Variants in CDH19 observed in about 807,000 individuals in gnomAD.
CDH19 encodes cadherin-19.
In CDH19, 67 loss-of-function variants were observed where a neutral mutation model predicts 64.2. That is an observed-to-expected ratio of 1.04 (90% CI 0.86 to 1.28). CDH19 has a LOEUF of 1.28. Among genes scored for constraint, CDH19 ranks in the 50% most tolerant of loss-of-function variants. The probability of loss-of-function intolerance (pLI) is 0.00; values close to 1 mark genes in which losing one functional copy is unlikely to be tolerated. For missense variants in CDH19, 1,030 were observed against 929.0 expected, an observed-to-expected ratio of 1.11 and a Z score of -1.41; for synonymous variants, 346 against 319.3, an observed-to-expected ratio of 1.08 and a Z score of -0.89.
intron 5 of CDH19, among the ~76,000 whole-genome samples, chr18:66,550,867 G>T (rs1987312941): frequency 6.6e-6 from 1 of 152,024 alleles, no homozygotes; most frequent in South Asian, 2.1e-4. Context: ...AAGCCATGAA[G>T]TTAGTGGCAA....
chr18:66,504,654 T>A lies in CDH19; in HGVS notation c.*158A>T, dbSNP rs1985092297. On this transcript the variant is annotated 3_prime_UTR_variant, in exon 12 of 12. Transcript: ENST00000262150. ...TCTCTGTTCAATGACAGCATGTAGG[T>A]AGCTTAAAATAACCATGGAGTATTT... is the stretch of plus-strand genomic sequence containing the variant. 1.6e-6 allele frequency: 1 copy of A among 617,210 alleles called. No individual in the cohort carries two copies. The highest frequency in any genetic ancestry group is 3.0e-5 in the Admixed American group (1 of 33,332). 38.2% of individuals were successfully genotyped at this position (617,210 alleles called of 1,614,324 possible).
At chr18:66,525,802 A>C (rs1314585872) in intron 9 of CDH19, among the ~76,000 whole-genome samples, 1 of 152,114 alleles carries the variant, frequency 6.6e-6, no homozygotes, top group Non-Finnish European at 1.5e-5. Context: ...ATAGGTAGCC[A>C]TATATCATTC....
intron 1 of CDH19, among the ~76,000 whole-genome samples, chr18:66,595,627 A>C (rs141973103): frequency 3.9e-5 from 6 of 152,142 alleles, no homozygotes; most frequent in African/African-American, 1.2e-4. Flanking sequence ...ATCAGGAAGA[A>C]ACTGAAAGAG....
At chr18:66,533,233 C>CAT (rs1205271078) in intron 8 of CDH19, among the ~76,000 whole-genome samples, 1 of 151,240 alleles carries the variant, frequency 6.6e-6, no homozygotes, top group African/African-American at 2.5e-5. Flanking sequence ...CACACACACA[C>CAT]ACACACATCC....
chr18:66,598,001 C>T (rs1988947154), intron 1 of CDH19, among the ~76,000 whole-genome samples: 1 of 152,044 alleles, frequency 6.6e-6, no homozygotes. Flanking sequence ...TGTAACAAAT[C>T]TGCACGTGGT....
At position 66,535,034 on chromosome 18, in the gene CDH19, G is replaced by A. The variant is rs749750028; in HGVS notation, c.1288C>T (p.Arg430Cys). The A allele has an allele frequency of 1.3e-5, 20 of 1,518,502 alleles. No homozygotes were observed. The highest frequency in any genetic ancestry group is 1.7e-5 in the Non-Finnish European group (19 of 1,116,840). The allele number at this position is 1,518,502 out of a possible 1,614,324, so 94.1% of individuals were successfully genotyped here. ...GTITTSNSLD[R>C]EISAWYNLSI... The stretch of plus-strand genomic sequence containing the variant: ...AGGTTGTACCAAGCACTGATTTCAC[G>A]ATCCAGTGAGTTACTTGTAGTGATT... Residue 430 changes from arginine (R) to cysteine (C), a missense_variant, in exon 8 of 12, where the codon CGT (arginine) becomes TGT (cysteine). Arg to Cys is a radical substitution (Grantham distance 180). Coordinates refer to ENST00000262150, the MANE Select transcript of CDH19 (RefSeq NM_021153.4).
Position 66,551,125 on chromosome 18 carries a change from A to T in CDH19, c.744T>A (p.Asp248Glu), listed in dbSNP as rs1987324655. The T allele has an allele frequency of 6.2e-7, 1 of 1,604,534 alleles. No homozygotes were observed. Among genetic ancestry groups the T allele is most frequent in the Non-Finnish European group, 8.5e-7 (1 of 1,172,286 alleles). ...GTTSVLIKLS[D>E]VNDNKPIFKE... is the part of the protein sequence containing the mutation. Reference sequence around the variant, plus strand: ...TAAATATAGGCTTATTGTCATTAACATCTGAAAGTTTAATTAATACACTTG... The same window carrying T: ...TAAATATAGGCTTATTGTCATTAACTTCTGAAAGTTTAATTAATACACTTG... The change falls in exon 5 of 12, where the codon GAT (aspartate) becomes GAA (glutamate). Residue 248 changes from aspartate to glutamate, a missense_variant. Coordinates refer to ENST00000262150, the MANE Select transcript of CDH19 (RefSeq NM_021153.4).
chr18:66,548,404 G>T (rs1245376859), intron 5 of CDH19, among the ~76,000 whole-genome samples: 1 of 151,520 alleles, frequency 6.6e-6, no homozygotes, highest in East Asian at 1.9e-4. Flanking sequence ...CACGTGTCTG[G>T]ATAAGATCAT....
At chr18:66,588,568 A>AATT (rs1568211791) in intron 1 of CDH19, among the ~76,000 whole-genome samples, 2 of 147,688 alleles carry the variant, frequency 1.4e-5, no homozygotes, top group Non-Finnish European at 3.0e-5. Flanking sequence ...ATTCGCCCAA[A>AATT]ATTGGGTAAA....
At chr18:66,566,844 C>T (rs139773591) in intron 3 of CDH19, among the ~76,000 whole-genome samples, 12 of 151,966 alleles carry the variant, frequency 7.9e-5, no homozygotes, top group African/African-American at 2.6e-4. Context: ...TCTCCAGCTA[C>T]GTTCTCTGCC....
intron 2 of CDH19, among the ~76,000 whole-genome samples, chr18:66,569,069 G>A (rs1331915141): frequency 6.6e-6 from 1 of 151,202 alleles, no homozygotes; most frequent in African/African-American, 2.4e-5. Flanking sequence ...TACTAGATTG[G>A]GTCCTTGAGA....
At chr18:66,551,336 G>C in intron 4 of CDH19, 78 bp from the exon 5 acceptor site, 1 of 806,908 alleles carries the variant, frequency 1.2e-6, no homozygotes. Flanking sequence ...AACCATTGCA[G>C]TATACATTAT....
chr18:66,543,917 A>T, intron 7 of CDH19, 54 bp downstream of exon 7: 2 of 1,263,464 alleles, frequency 1.6e-6, no homozygotes, highest in South Asian at 1.6e-5. Flanking sequence ...TTTTATTTTT[A>T]ATCTATTTTA....
chr18:66,519,693 T>C (rs1985896377), intron 9 of CDH19, among the ~76,000 whole-genome samples: 1 of 152,020 alleles, frequency 6.6e-6, no homozygotes, highest in African/African-American at 2.4e-5. Flanking sequence ...AAAGAACCAC[T>C]TTGCCTTTCA....
At chr18:66,526,242 C>CT (rs933998760) in intron 9 of CDH19, among the ~76,000 whole-genome samples, 1 of 152,004 alleles carries the variant, frequency 6.6e-6, no homozygotes, top group African/African-American at 2.4e-5. Context: ...GTTAACTAAA[C>CT]TTTTTAAGCA....
rs55874520 is a variant in CDH19 at position 66,505,197 on chromosome 18, C to T, written c.1934G>A (p.Gly645Glu). 3 of 1,612,932 alleles carry T rather than the reference C, an allele frequency of 1.9e-6. No individual in the cohort carries two copies. Among genetic ancestry groups the T allele is most frequent in the African/African-American group, 2.7e-5 (2 of 74,830 alleles). The change falls in exon 12 of 12, where the codon GGG (glycine) becomes GAG (glutamate). Residue 645 changes from glycine to glutamate, a missense_variant. By Grantham distance (98) the Gly-to-Glu change is moderately conservative. Transcript: ENST00000262150. ...GGCCTCTGTATCTTCTTCTCCACCC[C>T]CTTCATCATCATATTGGAATATATT... The part of the protein sequence containing the change: ...RENIFQYDDE[G>E]GGEEDTEAFD...
chr18:66,524,102 T>A (rs970119552), intron 9 of CDH19, among the ~76,000 whole-genome samples: 5 of 152,178 alleles, frequency 3.3e-5, no homozygotes, highest in Admixed American at 3.3e-4. Flanking sequence ...CTGACATGAA[T>A]GTGTGAGGAT....
chr18:66,590,483 C>G (rs537923151), intron 1 of CDH19, among the ~76,000 whole-genome samples: 1 of 151,092 alleles, frequency 6.6e-6, no homozygotes, highest in East Asian at 1.9e-4. Flanking sequence ...GTACCTTTAA[C>G]CAATGTCTTT....
intron 9 of CDH19, among the ~76,000 whole-genome samples, chr18:66,517,152 C>T (rs557473373): frequency 3.1e-4 from 47 of 151,404 alleles, no homozygotes; most frequent in Non-Finnish European, 5.3e-4. Flanking sequence ...GAACTGTAGT[C>T]GAGAGGAAGA....
Sources: allele counts gnomAD v4.1 joint callset (sites outside exome capture counted in the v4.1 genomes callset), GRCh38; gene constraint gnomAD v4.1.1; transcripts MANE v1.5; gene names NCBI Gene and HGNC (gene_info 2026-07-23, HGNC 2026-07-21).